The following TMEM114 variants were observed in gnomAD, a reference collection of about 807,000 sequenced individuals.
The protein encoded by TMEM114 is transmembrane protein 114.
In TMEM114, 6 loss-of-function variants were observed where a neutral mutation model predicts 6.2. The ratio of observed to expected loss-of-function variants is 0.97; its 90% CI spans 0.53 to 1.91. The LOEUF (loss-of-function observed/expected upper bound fraction) is 1.91. Ranked by LOEUF, TMEM114 falls within the 40% of genes most tolerant of loss-of-function variation. The probability of loss-of-function intolerance (pLI) is 0.01; values close to 1 mark genes in which losing one functional copy is unlikely to be tolerated. For synonymous variants in TMEM114, 104 were observed against 73.0 expected (o/e 1.42, Z -2.16); for missense variants, 218 against 158.3 (o/e 1.38, Z -2.02).
chr16:8,548,173 G>A (rs981147358), intron 2 of TMEM114, among the ~76,000 whole-genome samples: 12 of 152,178 alleles, frequency 7.9e-5, no homozygotes, highest in African/African-American at 2.7e-4. Flanking sequence ...CCTATTAACG[G>A]TGGGACCCTG....
downstream of TMEM114, among the ~76,000 whole-genome samples, chr16:8,533,448 AT>A (rs1900272260): frequency 6.6e-6 from 1 of 152,194 alleles, no homozygotes; most frequent in African/African-American, 2.4e-5. Context: ...GTGAGGGGCG[AT>A]GAATGGGCGA....
chr16:8,545,569 G>C (rs1006156282), intron 2 of TMEM114, among the ~76,000 whole-genome samples: 13 of 152,122 alleles, frequency 8.5e-5, no homozygotes, highest in Admixed American at 7.2e-4. Context: ...ACCACCCAGA[G>C]GGCTACTCAA....
downstream of TMEM114, among the ~76,000 whole-genome samples, chr16:8,535,903 G>A (rs566724867): frequency 1.0e-3 from 158 of 152,280 alleles, no homozygotes; most frequent in African/African-American, 3.7e-3. Flanking sequence ...AAGTCCTCAT[G>A]GTCAAAATGA....
chr16:8,579,120 T>A (rs1244739205), intron 2 of TMEM114, among the ~76,000 whole-genome samples: 1 of 152,242 alleles, frequency 6.6e-6, no homozygotes, highest in African/African-American at 2.4e-5. Context: ...GAAGCAAAGA[T>A]GTTCACACCA....
chr16:8,567,066 A>AATTTTTT (rs1045389642), downstream of TMEM114, among the ~76,000 whole-genome samples: 1 of 144,372 alleles, frequency 6.9e-6, no homozygotes. Context: ...ACAGCTGGCT[A>AATTTTTT]TTTTTTTTTT....
At chr16:8,576,313 G>T (rs1901927476) in intron 2 of TMEM114, among the ~76,000 whole-genome samples, 1 of 152,184 alleles carries the variant, frequency 6.6e-6, no homozygotes, top group Non-Finnish European at 1.5e-5. Flanking sequence ...CACATCCTCA[G>T]ACCCTCCAAA....
At chr16:8,568,369 G>C (rs370403993), downstream of TMEM114, among the ~76,000 whole-genome samples, 132 of 152,264 alleles carry the variant, frequency 8.7e-4, no homozygotes, top group African/African-American at 2.9e-3. Flanking sequence ...CAGGTGCATA[G>C]ATGTGGATGT....
rs549178174 is a variant in TMEM114 at position 8,556,229 on chromosome 16, T to G, written n.213-18403A>C. Among the ~76,000 whole-genome samples, 3 of 152,250 alleles carry G rather than the reference T, an allele frequency of 2.0e-5. No individual in the cohort carries two copies. In the East Asian group the frequency reaches 5.8e-4, roughly 30 times the overall value. On this transcript the variant is annotated intron_variant and non_coding_transcript_variant, in intron 2 of 2. Coordinates refer to the TMEM114 transcript ENST00000623677. ...TCTCATCTACACAAGTATCAGCCCC[T>G]CTGCCGGCCTTTGTCCCTGCAGTTA...
intron 2 of TMEM114, among the ~76,000 whole-genome samples, chr16:8,544,928 C>G (rs1470403312): frequency 6.6e-6 from 1 of 151,872 alleles, no homozygotes; most frequent in Non-Finnish European, 1.5e-5. Context: ...CTTTCTCTCT[C>G]TCTCTCTCTC....
intron 2 of TMEM114, among the ~76,000 whole-genome samples, chr16:8,563,817 G>GTGAT: frequency 7.2e-6 from 1 of 139,338 alleles, no homozygotes; most frequent in South Asian, 2.6e-4. Context: ...GAGGGAATGA[G>GTGAT]TGAGTGAGTG....
chr16:8,539,537 C>T (rs1003002588), intron 2 of TMEM114, among the ~76,000 whole-genome samples: 1 of 152,154 alleles, frequency 6.6e-6, no homozygotes, highest in Non-Finnish European at 1.5e-5. Flanking sequence ...CTTCCATCCT[C>T]CCACGCTCCA....
chr16:8,589,324 G>A (rs1902412472), intron 1 of TMEM114, 31 bp from the exon 2 acceptor site: 1 of 398,700 alleles, frequency 2.5e-6, no homozygotes, highest in East Asian at 3.6e-5. Context: ...CATGGGTGCA[G>A]GACCCCGGAG....
downstream of TMEM114, among the ~76,000 whole-genome samples, chr16:8,536,771 G>A (rs948838272): frequency 6.6e-6 from 1 of 152,100 alleles, no homozygotes; most frequent in African/African-American, 2.4e-5. Context: ...TTGAGGCACT[G>A]GGAATCACCA....
chr16:8,567,933 A>C (rs530163643), downstream of TMEM114, among the ~76,000 whole-genome samples: 5 of 152,168 alleles, frequency 3.3e-5, no homozygotes, highest in Non-Finnish European at 5.9e-5. Flanking sequence ...CCATGTGGCC[A>C]TGTGAGTAAC....
intron 2 of TMEM114, among the ~76,000 whole-genome samples, chr16:8,544,467 G>T (rs779204688): frequency 6.6e-6 from 1 of 152,206 alleles, no homozygotes; most frequent in Non-Finnish European, 1.5e-5. Flanking sequence ...GGGTTCACCA[G>T]TAGAAGAAAC....
chr16:8,574,449 T>C (rs771027833), intron 2 of TMEM114, among the ~76,000 whole-genome samples: 4 of 152,152 alleles, frequency 2.6e-5, no homozygotes, highest in African/African-American at 4.8e-5. Flanking sequence ...AGTCCCTCAA[T>C]TGGCACTAAC....
chr16:8,584,125 A>G (rs1409356387), intron 2 of TMEM114, among the ~76,000 whole-genome samples: 2 of 152,248 alleles, frequency 1.3e-5, no homozygotes, highest in African/African-American at 4.8e-5. Flanking sequence ...AGCTGAAAGC[A>G]GAACCCAAAC....
chr16:8,570,226 G>A (rs554799235), intron 3 of TMEM114, among the ~76,000 whole-genome samples: 58 of 152,160 alleles, frequency 3.8e-4, no homozygotes, highest in Non-Finnish European at 7.4e-4. Flanking sequence ...GGCAGCTCAC[G>A]CTTCGATTCC....
At chr16:8,574,427 T>C (rs141910677) in intron 2 of TMEM114, among the ~76,000 whole-genome samples, 1 of 152,304 alleles carries the variant, frequency 6.6e-6, no homozygotes, top group African/African-American at 2.4e-5. Flanking sequence ...CTGACCAAAA[T>C]GTTTTGCCTT....
Sources: gnomAD v4.1 joint callset for allele counts (sites outside exome capture counted in the v4.1 genomes callset) on GRCh38, gnomAD v4.1.1 for gene constraint, MANE v1.5 for transcripts, NCBI Gene and HGNC (gene_info 2026-07-23, HGNC 2026-07-21) for gene names.